The following FAM13C variants were observed in gnomAD, a reference collection of about 807,000 sequenced individuals.
The protein encoded by FAM13C is family with sequence similarity 13 member C.
A neutral mutation model predicts 73.2 loss-of-function variants in FAM13C; 37 were observed. The observed-to-expected ratio is 0.51, with a 90% confidence interval of 0.39 to 0.67. The LOEUF is 0.67. FAM13C is among the 30% of genes least tolerant of loss of function. The pLI is 0.00. For synonymous variants in FAM13C, 246 were observed against 260.9 expected (o/e 0.94, Z 0.55); for missense variants, 589 against 715.6 (o/e 0.82, Z 2.02).
At chr10:59,323,515 G>C (rs1589611220) in intron 4 of FAM13C, 1 of 169,278 alleles carries the variant, frequency 5.9e-6, no homozygotes, top group Non-Finnish European at 1.3e-5. Flanking sequence ...CTTTTCACTT[G>C]TGCAACATCA....
At chr10:59,356,200 C>T (rs1485553969) in intron 1 of FAM13C, among the ~76,000 whole-genome samples, 1 of 152,174 alleles carries the variant, frequency 6.6e-6, no homozygotes, top group Non-Finnish European at 1.5e-5. Flanking sequence ...CCTAAACTAA[C>T]AAGGACCTAA....
At chr10:59,356,759 G>A (rs186223678) in intron 1 of FAM13C, among the ~76,000 whole-genome samples, 3 of 152,138 alleles carry the variant, frequency 2.0e-5, no homozygotes, top group African/African-American at 7.2e-5. Flanking sequence ...TCATTCCTGG[G>A]TGTGTCTGTG....
intron 6 of FAM13C, among the ~76,000 whole-genome samples, chr10:59,275,114 A>G (rs570507594): frequency 6.3e-4 from 96 of 152,368 alleles, no homozygotes; most frequent in African/African-American, 2.2e-3. Flanking sequence ...TATGAGCAGA[A>G]GCACTATGGG....
intron 8 of FAM13C, among the ~76,000 whole-genome samples, chr10:59,264,760 G>C (rs538152226): frequency 6.6e-6 from 1 of 152,058 alleles, no homozygotes; most frequent in Admixed American, 6.6e-5. Context: ...GGGGATACAC[G>C]GATTTCTAAT....
intron 4 of FAM13C, among the ~76,000 whole-genome samples, chr10:59,310,716 G>T (rs2133928403): frequency 6.6e-6 from 1 of 152,298 alleles, no homozygotes; most frequent in Admixed American, 6.5e-5. Flanking sequence ...GGATGCTTCA[G>T]CTAGAAACAG....
In FAM13C at chr10:59,293,240, A is replaced by ATT. The variant is rs372798310; in HGVS notation, c.507+9559_507+9560dup. Among the ~76,000 whole-genome samples, 5 of 149,624 alleles carry ATT rather than the reference A, an allele frequency of 3.3e-5. No individual in the cohort carries two copies. The East Asian group carries it at 5.9e-4, about 18-fold the overall frequency. ...AGGCGCCCACCACCATGCCCAGCTA[A>ATT]TTTTTTTTTGTATTTTTAGTAGAGA... On this transcript the variant is annotated intron_variant, in intron 5 of 13. Transcript: ENST00000618804.
At chr10:59,280,873 G>A (rs1844850012) in intron 6 of FAM13C, among the ~76,000 whole-genome samples, 1 of 152,152 alleles carries the variant, frequency 6.6e-6, no homozygotes, top group Non-Finnish European at 1.5e-5. Context: ...AAACCCACTA[G>A]GTCACATGAA....
In FAM13C at chr10:59,325,895, A is replaced by G. The variant is rs369249747; in HGVS notation, c.325-1789T>C. On this transcript the variant is annotated intron_variant, in intron 3 of 13. Transcript: ENST00000618804. Reference sequence around the variant, plus strand: ...TGGAATGCTTATTTCACATTTCTATACTAATAGCAATATTATTTTAAATAT... The same window carrying G: ...TGGAATGCTTATTTCACATTTCTATGCTAATAGCAATATTATTTTAAATAT... 5.3e-4 allele frequency among the ~76,000 whole-genome samples: 81 copies of G among 152,276 alleles called. 1 individual carries two copies. In the East Asian group the frequency reaches 8.3e-3, roughly 16 times the overall value.
intron 3 of FAM13C, among the ~76,000 whole-genome samples, chr10:59,344,306 T>C (rs1853961858): frequency 1.4e-5 from 2 of 143,612 alleles, no homozygotes; most frequent in African/African-American, 2.6e-5. Flanking sequence ...TGAGACAGAG[T>C]CTCGCTCTGT....
chr10:59,284,729 A>G (rs1845353344), intron 5 of FAM13C, among the ~76,000 whole-genome samples: 1 of 144,930 alleles, frequency 6.9e-6, no homozygotes, highest in Non-Finnish European at 1.5e-5. Flanking sequence ...ACACCTAAAA[A>G]CACCCCACCT....
In FAM13C at chr10:59,278,121, C is replaced by A. The variant is rs571629491; in HGVS notation, c.592+5242G>T. Among the ~76,000 whole-genome samples, 11 of 152,260 alleles carry A rather than the reference C, an allele frequency of 7.2e-5. 1 individual carries two copies. In the South Asian group the frequency reaches 2.3e-3, roughly 32 times the overall value. On this transcript the variant is annotated intron_variant, in intron 6 of 13. Transcript: ENST00000618804. The stretch of plus-strand genomic sequence containing the variant: ...TGCAGGGAAACTCCCCTTTTGAAAA[C>A]CATCAGACCTCATGTGACTTATTCA...
chr10:59,269,082 C>CTT (rs1416502638), intron 7 of FAM13C, among the ~76,000 whole-genome samples: 1 of 151,910 alleles, frequency 6.6e-6, no homozygotes, highest in African/African-American at 2.4e-5. Context: ...CATAACAGGA[C>CTT]TTTTTTTTAA....
intron 3 of FAM13C, among the ~76,000 whole-genome samples, chr10:59,328,068 C>A (rs551626844): frequency 5.9e-5 from 9 of 152,294 alleles, no homozygotes; most frequent in South Asian, 2.1e-4. Flanking sequence ...TCTTCATCTA[C>A]CCTCCACCTC....
chr10:59,253,078 TATAA>T (rs1841565114), intron 11 of FAM13C, 80 bp from the exon 12 acceptor site: 1 of 1,401,306 alleles, frequency 7.1e-7, no homozygotes, highest in African/African-American at 1.4e-5. Context: ...GAAGGGGAAC[TATAA>T]ATCAATGCCA....
chr10:59,293,104 C>T (rs561514045), intron 5 of FAM13C, among the ~76,000 whole-genome samples: 1 of 121,234 alleles, frequency 8.2e-6, no homozygotes, highest in Non-Finnish European at 1.6e-5. Flanking sequence ...GACGGAGTCT[C>T]ATTCTGTTGC....
intron 5 of FAM13C, among the ~76,000 whole-genome samples, chr10:59,291,288 G>T (rs1002454853): frequency 6.6e-6 from 1 of 152,186 alleles, no homozygotes; most frequent in Non-Finnish European, 1.5e-5. Context: ...TGCCAACACA[G>T]TGGGACTTCT....
intron 5 of FAM13C, 56 bp downstream of exon 5, chr10:59,302,745 G>A: frequency 1.3e-6 from 2 of 1,509,354 alleles, no homozygotes; most frequent in African/African-American, 1.4e-5. Flanking sequence ...AAAAAGAATA[G>A]TAAATCTCAT....
intron 6 of FAM13C, among the ~76,000 whole-genome samples, chr10:59,272,865 G>A (rs79030598): frequency 2.6e-5 from 4 of 152,158 alleles, no homozygotes; most frequent in Admixed American, 6.6e-5. Flanking sequence ...ACCACAGAGC[G>A]CATCAAACCC....
At chr10:59,300,713 AT>A (rs1434103548) in intron 5 of FAM13C, 14 of 152,236 alleles carry the variant, frequency 9.2e-5, no homozygotes, top group Admixed American at 9.2e-4. Flanking sequence ...ACCCTCATGA[AT>A]ATAATATGGA....
Sources: gnomAD v4.1 joint callset for allele counts (sites outside exome capture counted in the v4.1 genomes callset) on GRCh38, gnomAD v4.1.1 for gene constraint, MANE v1.5 for transcripts, NCBI Gene and HGNC (gene_info 2026-07-23, HGNC 2026-07-21) for gene names.